The following MTREX variants were observed in gnomAD, a reference collection of about 807,000 sequenced individuals.
MTREX encodes the protein Mtr4 exosome RNA helicase, also known as exosome RNA helicase MTR4.
MTREX carries 76 observed loss-of-function variants against 135.4 expected under a neutral mutation model. The observed-to-expected ratio is 0.56, with a 90% CI of 0.47 to 0.68. The LOEUF (loss-of-function observed/expected upper bound fraction) is 0.68, where lower values mean the gene tolerates loss of function less well. Ranked by LOEUF, MTREX falls within the 30% of genes least tolerant of loss-of-function variation. The pLI is 0.00. For missense variants in MTREX, 920 were observed against 1,262.1 expected, an observed-to-expected ratio of 0.73 and a Z score of 4.11; for synonymous variants, 404 against 401.6, an observed-to-expected ratio of 1.01 and a Z score of -0.07.
At chr5:55,400,762 T>C (rs1486895024) in intron 21 of MTREX, among the ~76,000 whole-genome samples, 1 of 152,220 alleles carries the variant, frequency 6.6e-6, no homozygotes, top group African/African-American at 2.4e-5. Flanking sequence ...ACTATGTAAC[T>C]TCAGAACATT....
At chr5:55,336,006 C>G (rs566141644) in intron 5 of MTREX, among the ~76,000 whole-genome samples, 2 of 152,044 alleles carry the variant, frequency 1.3e-5, no homozygotes, top group African/African-American at 4.8e-5. Flanking sequence ...TCTGTTTATG[C>G]TATTGTGAAT....
In MTREX at chr5:55,324,206, C is replaced by CTGG; in HGVS notation, c.339+8_339+9insTGG. The CTGG allele has an allele frequency of 6.3e-7, 1 of 1,597,216 alleles. No homozygotes were observed. The highest frequency in any genetic ancestry group is 8.6e-7 in the Non-Finnish European group (1 of 1,167,994). ...GAAGGGTGTACACATGAGGTAAGCA[C>CTGG]AAACAGCATACAGAAGGTTAGTGTT... On this transcript the variant is annotated intron_variant, in intron 3 of 26. Coordinates refer to ENST00000230640, the MANE Select transcript of MTREX (RefSeq NM_015360.5).
At chr5:55,363,427 T>A (rs962675704) in intron 15 of MTREX, among the ~76,000 whole-genome samples, 2 of 152,010 alleles carry the variant, frequency 1.3e-5, no homozygotes, top group African/African-American at 4.8e-5. Flanking sequence ...TCTTAGTATC[T>A]TTTCAGTAAG....
rs559583617 is a variant in MTREX, at chr5:55,364,799, C to T, written c.1660-1926C>T. 1.9e-4 allele frequency among the ~76,000 whole-genome samples: 29 copies of T among 149,824 alleles called. 1 individual carries two copies. Among genetic ancestry groups the T allele is most frequent in the South Asian group, 1.7e-3 (8 of 4,750 alleles). On this transcript the variant is annotated intron_variant, in intron 15 of 26. Transcript: ENST00000230640. ...TAATTGATTAAAAAGGGAGAGAGAA[C>T]GCAGAATAAACAAACTCCTAAGCTG...
intron 1 of MTREX, among the ~76,000 whole-genome samples, chr5:55,317,238 C>T (rs140687129): frequency 2.2e-3 from 342 of 152,290 alleles, no homozygotes; most frequent in African/African-American, 7.6e-3. Context: ...AGATTCAATG[C>T]TATTCCTATC....
At chr5:55,345,915 A>T (rs894222613) in intron 10 of MTREX, among the ~76,000 whole-genome samples, 1 of 152,132 alleles carries the variant, frequency 6.6e-6, no homozygotes, top group African/African-American at 2.4e-5. Flanking sequence ...TGATATGCCC[A>T]TCGTGGCCTC....
chr5:55,343,477 A>G lies in MTREX; in HGVS notation c.906+22A>G, dbSNP rs184254099. On this transcript the variant is annotated intron_variant, in intron 8 of 26. Coordinates refer to ENST00000230640, the MANE Select transcript of MTREX (RefSeq NM_015360.5). ...ACAGGTATTTTTTCCTCCTTTTTTG[A>G]TGTCTTCAATATTCAAAATGTTACA... 10 of 1,600,752 alleles carry G rather than the reference A, an allele frequency of 6.2e-6. No individual in the cohort carries two copies. In the Admixed American group the frequency reaches 6.8e-5, roughly 11 times the overall value.
In MTREX at chr5:55,345,080, AT is replaced by A; in HGVS notation, c.1006-11del. On this transcript the variant is annotated splice_polypyrimidine_tract_variant and intron_variant, in intron 9 of 26. Transcript: ENST00000230640. Reference sequence around the variant, plus strand: ...GTATTAGTGAAGTTACACAGAAAAAATTTGTGATTCCAGGGTGACTTCAGAG... The same window carrying A: ...GTATTAGTGAAGTTACACAGAAAAAATTGTGATTCCAGGGTGACTTCAGAG... 6.4e-7 allele frequency: 1 copy of A among 1,558,536 alleles called. No individual in the cohort carries two copies. Among genetic ancestry groups the A allele is most frequent in the Non-Finnish European group, 8.8e-7 (1 of 1,135,472 alleles).
intron 18 of MTREX, among the ~76,000 whole-genome samples, chr5:55,387,268 G>T (rs1405988839): frequency 1.3e-5 from 2 of 152,008 alleles, no homozygotes; most frequent in African/African-American, 4.8e-5. Context: ...GAAATAGATT[G>T]TAGAAATGGA....
chr5:55,342,826 T>C (rs1040700264), intron 7 of MTREX, among the ~76,000 whole-genome samples: 1 of 152,198 alleles, frequency 6.6e-6, no homozygotes, highest in African/African-American at 2.4e-5. Context: ...TTGTCTATTT[T>C]AGGAGGGAAG....
intron 16 of MTREX, among the ~76,000 whole-genome samples, chr5:55,372,247 A>C (rs1351859053): frequency 1.3e-5 from 2 of 152,058 alleles, no homozygotes; most frequent in African/African-American, 4.8e-5. Context: ...GCGTGTTGTT[A>C]CGGATGGTAT....
intron 19 of MTREX, among the ~76,000 whole-genome samples, chr5:55,390,228 G>A (rs1425184940): frequency 1.3e-5 from 2 of 151,804 alleles, no homozygotes; most frequent in Non-Finnish European, 2.9e-5. Flanking sequence ...TCAACCTCCC[G>A]AGTAGCTGGG....
intron 19 of MTREX, among the ~76,000 whole-genome samples, chr5:55,396,337 G>C (rs1167106792): frequency 6.6e-6 from 1 of 152,166 alleles, no homozygotes; most frequent in Admixed American, 6.5e-5. Context: ...GGGGAAATCT[G>C]AATAGGGATT....
At chr5:55,350,266 A>G (rs548322117) in intron 12 of MTREX, among the ~76,000 whole-genome samples, 3 of 152,310 alleles carry the variant, frequency 2.0e-5, no homozygotes, top group South Asian at 4.1e-4. Context: ...GGAGATCATC[A>G]TACTCTCCTT....
At chr5:55,360,130 C>A (rs762382445) in intron 15 of MTREX, among the ~76,000 whole-genome samples, 4 of 152,164 alleles carry the variant, frequency 2.6e-5, no homozygotes, top group Non-Finnish European at 5.9e-5. Context: ...CCCTAGACAA[C>A]AACTAATTTG....
In MTREX at chr5:55,351,024, A is replaced by G; in HGVS notation, c.1426A>G (p.Ile476Val). 1 of 1,599,310 alleles carries G rather than the reference A, an allele frequency of 6.3e-7. No individual in the cohort carries two copies. The highest frequency in any genetic ancestry group is 8.5e-7 in the Non-Finnish European group (1 of 1,176,492). ...TIEILFSEGLIKALFATETFA... is the reference protein window; with the variant it reads ...TIEILFSEGLVKALFATETFA... ...AGAAATTCTCTTTTCTGAAGGATTG[A>G]TAAAGGTATGGTTTTATTTTTATTT... The change falls in exon 13 of 27, where the codon ATA becomes GTA. Residue 476 changes from isoleucine (I) to valine (V), a missense_variant. Transcript: ENST00000230640.
At chr5:55,369,898 TTTTTC>T (rs1481965270) in intron 16 of MTREX, among the ~76,000 whole-genome samples, 4 of 149,556 alleles carry the variant, frequency 2.7e-5, no homozygotes, top group African/African-American at 9.9e-5. Flanking sequence ...AATTCATCCC[TTTTTC>T]TTTTCTTTTT....
At chr5:55,381,475 T>C (rs891281855) in intron 18 of MTREX, among the ~76,000 whole-genome samples, 3 of 152,250 alleles carry the variant, frequency 2.0e-5, no homozygotes, top group African/African-American at 7.2e-5. Context: ...TTCATTAATC[T>C]CAAAGTATTT....
At chr5:55,384,136 G>A (rs750094854) in intron 18 of MTREX, among the ~76,000 whole-genome samples, 2 of 152,102 alleles carry the variant, frequency 1.3e-5, no homozygotes, top group Non-Finnish European at 2.9e-5. Context: ...TCCATTATGG[G>A]TATGTTGCAC....
Sources: gnomAD v4.1 joint callset for allele counts (sites outside exome capture counted in the v4.1 genomes callset) on GRCh38, gnomAD v4.1.1 for gene constraint, MANE v1.5 for transcripts, NCBI Gene and HGNC (gene_info 2026-07-23, HGNC 2026-07-21) for gene names.